PTPRD: variants seen among roughly 807,000 people sequenced by gnomAD.
The protein encoded by PTPRD is protein tyrosine phosphatase receptor type D, also known as receptor-type tyrosine-protein phosphatase delta.
In PTPRD, 34 loss-of-function variants were observed where a neutral mutation model predicts 214.5. The observed-to-expected ratio is 0.16, with a 90% CI of 0.12 to 0.21. The LOEUF (loss-of-function observed/expected upper bound fraction) is 0.21. PTPRD is among the 10% of genes least tolerant of loss of function. The pLI is 1.00. For missense variants in PTPRD, 2,545 were observed against 2,398.7 expected (o/e 1.06, Z -1.27); for synonymous variants, 1,128 against 845.7 (o/e 1.33, Z -5.79).
chr9:9,698,779 G>A (rs946119058), intron 7 of PTPRD, among the ~76,000 whole-genome samples: 9 of 152,060 alleles, frequency 5.9e-5, no homozygotes, highest in South Asian at 2.1e-4. Flanking sequence ...CATAAGTCTC[G>A]GAGAAATTTT....
At chr9:10,006,247 T>A (rs1029691104) in intron 4 of PTPRD, among the ~76,000 whole-genome samples, 1 of 152,062 alleles carries the variant, frequency 6.6e-6, no homozygotes, top group African/African-American at 2.4e-5. Flanking sequence ...CTGCTAGTTA[T>A]AGGATAACTC....
At chr9:9,190,678 T>C (rs2099934598) in intron 9 of PTPRD, among the ~76,000 whole-genome samples, 1 of 152,110 alleles carries the variant, frequency 6.6e-6, no homozygotes, top group Non-Finnish European at 1.5e-5. Flanking sequence ...CTGAGAACTG[T>C]GAGCCAGTAG....
intron 10 of PTPRD, among the ~76,000 whole-genome samples, chr9:9,176,653 G>A (rs892399458): frequency 2.0e-5 from 3 of 152,122 alleles, no homozygotes; most frequent in African/African-American, 7.2e-5. Flanking sequence ...TGCTGTTATA[G>A]TAGAAGTGGT....
chr9:8,484,514 G>A, intron 29 of PTPRD, 136 bp from the exon 30 acceptor site: 1 of 850,526 alleles, frequency 1.2e-6, no homozygotes, highest in Non-Finnish European at 1.7e-6. Context: ...AAGTCCATGA[G>A]TAGTCATAAT....
intron 3 of PTPRD, among the ~76,000 whole-genome samples, chr9:10,232,546 G>A (rs540715829): frequency 3.6e-4 from 55 of 152,112 alleles, no homozygotes; most frequent in African/African-American, 1.3e-3. Flanking sequence ...TTTGCAAAAT[G>A]TGCTTCCAGC....
At chr9:8,418,312 C>T (rs1416512320) in intron 35 of PTPRD, among the ~76,000 whole-genome samples, 1 of 151,740 alleles carries the variant, frequency 6.6e-6, no homozygotes, top group South Asian at 2.1e-4. Context: ...CTGGAGCTTT[C>T]TCTTACATGC....
chr9:10,168,070 A>C (rs1331251036), intron 3 of PTPRD, among the ~76,000 whole-genome samples: 2 of 152,190 alleles, frequency 1.3e-5, no homozygotes, highest in Non-Finnish European at 2.9e-5. Context: ...TTGAAGCTAT[A>C]TTTTAAGACT....
intron 14 of PTPRD, among the ~76,000 whole-genome samples, chr9:8,603,671 T>C (rs956962021): frequency 2.0e-5 from 3 of 152,130 alleles, no homozygotes; most frequent in Non-Finnish European, 2.9e-5. Context: ...CCAACTATAG[T>C]TGTTACTTAT....
At chr9:10,410,489 G>A (rs1384265577) in intron 2 of PTPRD, among the ~76,000 whole-genome samples, 2 of 150,880 alleles carry the variant, frequency 1.3e-5, no homozygotes, top group African/African-American at 2.4e-5. Flanking sequence ...TTATCAAGAT[G>A]GTTTATAGAC....
chr9:9,182,432 G>A (rs2099928730), intron 10 of PTPRD, among the ~76,000 whole-genome samples: 1 of 151,970 alleles, frequency 6.6e-6, no homozygotes, highest in Non-Finnish European at 1.5e-5. Flanking sequence ...TATTTAGAAA[G>A]TTTGTATTTA....
intron 2 of PTPRD, among the ~76,000 whole-genome samples, chr9:10,546,992 G>A (rs2060298307): frequency 1.3e-5 from 2 of 152,078 alleles, no homozygotes; most frequent in Non-Finnish European, 2.9e-5. Context: ...AGCTGTTAAT[G>A]GAGGCAGGTC....
chr9:8,465,523 G>C lies in PTPRD; in HGVS notation c.3657C>G (p.Leu1219=). The C allele has an allele frequency of 6.2e-7, 1 of 1,612,578 alleles. No homozygotes were observed. The highest frequency in any genetic ancestry group is 8.5e-7 in the Non-Finnish European group (1 of 1,179,016). ...AGAAGACATATTCTTGACCACTTTG[G>C]AGTTGCTTGTTTGTAAATCCACCAT... The part of the protein sequence containing the change: ...KHYGGFTNKQ[L]QSGQEYVFFV... The change falls in exon 32 of 46, where the codon CTC becomes CTG. Residue 1219 remains leucine (L), a synonymous_variant. Coordinates refer to ENST00000381196, the MANE Select transcript of PTPRD (RefSeq NM_002839.4).
chr9:9,014,085 C>A (rs562442933), intron 11 of PTPRD, among the ~76,000 whole-genome samples: 1 of 151,706 alleles, frequency 6.6e-6, no homozygotes, highest in African/African-American at 2.4e-5. Flanking sequence ...ATAAGTAAAT[C>A]GTAAGCTCTA....
intron 3 of PTPRD, among the ~76,000 whole-genome samples, chr9:10,118,498 T>A (rs1281685573): frequency 6.6e-6 from 1 of 151,694 alleles, no homozygotes; most frequent in Non-Finnish European, 1.5e-5. Flanking sequence ...TAATAAAGAT[T>A]CAACATATAC....
At chr9:8,876,930 T>G (rs1364032529) in intron 11 of PTPRD, among the ~76,000 whole-genome samples, 1 of 151,302 alleles carries the variant, frequency 6.6e-6, no homozygotes, top group African/African-American at 2.4e-5. Flanking sequence ...TTTTTTCTTT[T>G]TCTTTATTTT....
intron 11 of PTPRD, among the ~76,000 whole-genome samples, chr9:8,986,702 C>A (rs1754162572): frequency 6.6e-6 from 1 of 151,956 alleles, no homozygotes; most frequent in African/African-American, 2.4e-5. Context: ...AAAATATATG[C>A]TCACTTTTTA....
At chr9:9,989,036 A>AAAC (rs2095819974) in intron 4 of PTPRD, among the ~76,000 whole-genome samples, 2 of 147,618 alleles carry the variant, frequency 1.4e-5, no homozygotes, top group Non-Finnish European at 3.0e-5. Context: ...AAAAAAAAAA[A>AAAC]AAAAAAAAAC....
At chr9:10,578,960 G>A (rs142719711) in intron 2 of PTPRD, among the ~76,000 whole-genome samples, 5,188 of 151,872 alleles carry the variant, frequency 0.034, 310 homozygotes, top group African/African-American at 0.12. Flanking sequence ...GAATGTGCAG[G>A]TTTGTTACGT....
intron 11 of PTPRD, among the ~76,000 whole-genome samples, chr9:8,947,329 G>T (rs1263430918): frequency 6.6e-6 from 1 of 151,648 alleles, no homozygotes; most frequent in African/African-American, 2.4e-5. Flanking sequence ...TGGGCATAGT[G>T]GTGTGCACCT....
Sources: gnomAD v4.1 joint callset for allele counts (sites outside exome capture counted in the v4.1 genomes callset) on GRCh38, gnomAD v4.1.1 for gene constraint, MANE v1.5 for transcripts, NCBI Gene and HGNC (gene_info 2026-07-23, HGNC 2026-07-21) for gene names.